CSMD1: variants seen among roughly 807,000 people sequenced by gnomAD.
CSMD1 encodes the protein CUB and sushi domain-containing protein 1.
In CSMD1, 213 loss-of-function variants were observed where a neutral mutation model predicts 417.5. The ratio of observed to expected loss-of-function variants is 0.51; its 90% confidence interval spans 0.46 to 0.57. The LOEUF is 0.57. Among genes scored for constraint, CSMD1 ranks in the 20% least tolerant of loss-of-function variants. CSMD1 has a pLI of 0.00. For synonymous variants in CSMD1, 2,862 were observed against 1,736.8 expected (o/e 1.65, Z -16.11); for missense variants, 6,923 against 4,529.7 (o/e 1.53, Z -15.17).
chr8:4,224,735 T>C lies in CSMD1; in HGVS notation c.416-192636A>G, dbSNP rs188809053. ...AGCTTCTTTTTTCCTCCCTAGCTTT[T>C]GGTGCATTCTCCCCATAGTATTAAC... is the stretch of plus-strand genomic sequence containing the variant. On this transcript the variant is annotated intron_variant, in intron 3 of 69. Transcript: ENST00000635120. 2.5e-4 allele frequency among the ~76,000 whole-genome samples: 38 copies of C among 152,316 alleles called. No homozygotes were observed. The East Asian group carries it at 5.8e-3, about 23-fold the overall frequency.
Position 4,625,352 on chromosome 8 carries a change from A to G in CSMD1, c.302+11990T>C, listed in dbSNP as rs188234982. Among the ~76,000 whole-genome samples, 676 of 152,226 alleles carry G rather than the reference A, an allele frequency of 4.4e-3. 8 individuals are homozygous for G. Among genetic ancestry groups the G allele is most frequent in the Middle Eastern group, 6.8e-3 (2 of 294 alleles). On this transcript the variant is annotated intron_variant, in intron 2 of 69. Transcript: ENST00000635120. ...TCAATAGAGGGTCAAGTTTCAGTGC[A>G]AAATGTAAATGATCCTTTCAACTTC...
intron 8 of CSMD1, among the ~76,000 whole-genome samples, chr8:3,608,810 A>G (rs544577448): frequency 1.3e-4 from 20 of 152,006 alleles, no homozygotes; most frequent in African/African-American, 3.1e-4. Context: ...ATCACGGCCA[A>G]TGCTAGTCTA....
intron 49 of CSMD1, among the ~76,000 whole-genome samples, chr8:3,056,079 TTTAC>T (rs1241104343): frequency 2.6e-5 from 4 of 152,224 alleles, no homozygotes; most frequent in Non-Finnish European, 5.9e-5. Context: ...ACATAAAATT[TTTAC>T]TTATTTATTT....
intron 2 of CSMD1, among the ~76,000 whole-genome samples, chr8:4,430,303 T>G (rs1232688354): frequency 6.6e-6 from 1 of 152,168 alleles, no homozygotes; most frequent in Non-Finnish European, 1.5e-5. Flanking sequence ...ATATTGCAGT[T>G]AAACCACTGC....
intron 3 of CSMD1, among the ~76,000 whole-genome samples, chr8:4,372,704 G>C (rs976134782): frequency 4.0e-5 from 6 of 149,488 alleles, no homozygotes; most frequent in Non-Finnish European, 7.4e-5. Context: ...ATAGCTAACT[G>C]AAAGAGTTCT....
At chr8:4,173,009 T>A (rs905284952) in intron 3 of CSMD1, among the ~76,000 whole-genome samples, 2 of 152,096 alleles carry the variant, frequency 1.3e-5, no homozygotes, top group African/African-American at 2.4e-5. Flanking sequence ...CTTGAAATAA[T>A]AAATGCTTGG....
chr8:3,310,775 A>C (rs191636239), intron 23 of CSMD1, among the ~76,000 whole-genome samples: 1 of 151,248 alleles, frequency 6.6e-6, no homozygotes, highest in Non-Finnish European at 1.5e-5. Flanking sequence ...CAGCGGGGCC[A>C]GGAAACTGTG....
At chr8:4,119,787 G>C (rs10441630) in intron 3 of CSMD1, among the ~76,000 whole-genome samples, 150,651 of 152,294 alleles carry the variant, frequency 0.99, 74,537 homozygotes, top group East Asian at 1. Flanking sequence ...CCTGAGCTGA[G>C]TAACAAAACG....
At chr8:3,701,260 T>C (rs143547394) in intron 7 of CSMD1, among the ~76,000 whole-genome samples, 1 of 152,156 alleles carries the variant, frequency 6.6e-6, no homozygotes, top group Non-Finnish European at 1.5e-5. Flanking sequence ...AATTGGATCA[T>C]CTCGGGACAA....
At chr8:3,954,447 A>G (rs1459663368) in intron 5 of CSMD1, among the ~76,000 whole-genome samples, 1 of 151,808 alleles carries the variant, frequency 6.6e-6, no homozygotes, top group Non-Finnish European at 1.5e-5. Context: ...GCTCACTGCA[A>G]CCTCCTCCTC....
At chr8:4,754,012 G>T (rs191041725) in intron 1 of CSMD1, among the ~76,000 whole-genome samples, 3 of 152,308 alleles carry the variant, frequency 2.0e-5, no homozygotes, top group South Asian at 2.1e-4. Context: ...CCCAGCTAAA[G>T]ATTCGCTTTG....
intron 5 of CSMD1, among the ~76,000 whole-genome samples, chr8:3,879,393 G>A (rs573274853): frequency 1.3e-5 from 2 of 152,184 alleles, no homozygotes; most frequent in East Asian, 1.9e-4. Flanking sequence ...TTCATACACT[G>A]TAGCACAAGC....
At chr8:3,833,192 G>T (rs905823565) in intron 5 of CSMD1, among the ~76,000 whole-genome samples, 2 of 152,056 alleles carry the variant, frequency 1.3e-5, no homozygotes, top group African/African-American at 4.8e-5. Flanking sequence ...TTTGTCCAAA[G>T]AATTTTTAAT....
At chr8:4,490,470 T>C (rs551612034) in intron 2 of CSMD1, among the ~76,000 whole-genome samples, 8 of 152,360 alleles carry the variant, frequency 5.3e-5, no homozygotes, top group African/African-American at 1.9e-4. Context: ...AACTGATTAA[T>C]TACTTTAACA....
chr8:4,625,708 A>T (rs944819666), intron 2 of CSMD1, among the ~76,000 whole-genome samples: 1 of 152,146 alleles, frequency 6.6e-6, no homozygotes, highest in South Asian at 2.1e-4. Flanking sequence ...TATCCGTAAC[A>T]TATTCAAGAC....
intron 3 of CSMD1, among the ~76,000 whole-genome samples, chr8:4,285,639 G>C (rs1210370278): frequency 3.3e-5 from 5 of 152,210 alleles, no homozygotes; most frequent in Admixed American, 6.5e-5. Flanking sequence ...GAATAGCACA[G>C]ATGGTTGGTC....
At chr8:3,187,617 C>G (rs1796140317) in intron 36 of CSMD1, among the ~76,000 whole-genome samples, 1 of 152,126 alleles carries the variant, frequency 6.6e-6, no homozygotes, top group South Asian at 2.1e-4. Flanking sequence ...AGCCTGAGAC[C>G]TGCCGCATGT....
At chr8:3,056,669 C>T (rs1025532011) in intron 49 of CSMD1, among the ~76,000 whole-genome samples, 7 of 152,098 alleles carry the variant, frequency 4.6e-5, no homozygotes, top group African/African-American at 1.7e-4. Context: ...TGTGCCTGGC[C>T]AGCCTGAGGA....
chr8:3,491,087 C>A (rs1818346334), intron 11 of CSMD1, among the ~76,000 whole-genome samples: 1 of 152,220 alleles, frequency 6.6e-6, no homozygotes, highest in Non-Finnish European at 1.5e-5. Flanking sequence ...ATGCCAATGT[C>A]TACATACAAA....
Sources: allele counts gnomAD v4.1 joint callset (sites outside exome capture counted in the v4.1 genomes callset), GRCh38; gene constraint gnomAD v4.1.1; transcripts MANE v1.5; gene names NCBI Gene and HGNC (gene_info 2026-07-23, HGNC 2026-07-21).